Variants in DOK5 observed in about 807,000 individuals in gnomAD.
The protein encoded by DOK5 is docking protein 5.
DOK5 carries 27 observed loss-of-function variants against 43.3 expected under a neutral mutation model. The observed-to-expected ratio is 0.62, with a 90% confidence interval of 0.46 to 0.86. DOK5 has a LOEUF of 0.86. Among genes scored for constraint, DOK5 ranks in the 40% least tolerant of loss-of-function variants. The pLI is 0.00. For missense variants in DOK5, 373 were observed against 392.9 expected, an observed-to-expected ratio of 0.95 and a Z score of 0.43; for synonymous variants, 146 against 140.1, an observed-to-expected ratio of 1.04 and a Z score of -0.30.
chr20:54,490,351 C>T (rs1170333023), intron 1 of DOK5, among the ~76,000 whole-genome samples: 9 of 151,962 alleles, frequency 5.9e-5, no homozygotes, highest in South Asian at 4.1e-4. Context: ...CATATACATA[C>T]GTATATACAT....
intron 2 of DOK5, among the ~76,000 whole-genome samples, chr20:54,577,677 T>A (rs999911092): frequency 6.6e-6 from 1 of 152,242 alleles, no homozygotes; most frequent in South Asian, 2.1e-4. Context: ...CAGCAACACA[T>A]CTTTATCTCT....
intron 2 of DOK5, among the ~76,000 whole-genome samples, chr20:54,560,956 T>C (rs1984883816): frequency 6.6e-6 from 1 of 152,194 alleles, no homozygotes; most frequent in Non-Finnish European, 1.5e-5. Context: ...CTGTGGCTCA[T>C]TGTACAGCAT....
chr20:54,523,716 C>T (rs145106245), intron 1 of DOK5, among the ~76,000 whole-genome samples: 2,395 of 152,132 alleles, frequency 0.016, 87 homozygotes, highest in East Asian at 0.1. Context: ...AGCAATTCTC[C>T]TGCCTCAGCC....
chr20:54,586,898 C>A (rs1337040299), intron 2 of DOK5, among the ~76,000 whole-genome samples: 2 of 151,868 alleles, frequency 1.3e-5, no homozygotes, highest in African/African-American at 2.4e-5. Flanking sequence ...GTGGGCAAGA[C>A]CACAGGGGGT....
chr20:54,539,004 C>T (rs75688803), intron 1 of DOK5, among the ~76,000 whole-genome samples: 66 of 152,162 alleles, frequency 4.3e-4, no homozygotes, highest in African/African-American at 1.3e-3. Context: ...AGAACAGGGC[C>T]GGGCACCGTG....
At chr20:54,546,406 TTTA>T (rs1019301084) in intron 1 of DOK5, among the ~76,000 whole-genome samples, 5 of 152,162 alleles carry the variant, frequency 3.3e-5, no homozygotes, top group Non-Finnish European at 7.3e-5. Context: ...TATCTTTTTT[TTTA>T]TTATTATACT....
chr20:54,579,390 G>A (rs974201413), intron 2 of DOK5, among the ~76,000 whole-genome samples: 1 of 145,800 alleles, frequency 6.9e-6, no homozygotes. Flanking sequence ...AGGGGGTGAG[G>A]CACAGTGGTT....
At chr20:54,581,251 A>AG (rs1448035460) in intron 2 of DOK5, among the ~76,000 whole-genome samples, 2 of 151,956 alleles carry the variant, frequency 1.3e-5, no homozygotes, top group African/African-American at 4.8e-5. Flanking sequence ...CCTATGTGCC[A>AG]GTACCATATT....
intron 5 of DOK5, among the ~76,000 whole-genome samples, chr20:54,608,204 A>G (rs892322467): frequency 5.3e-5 from 8 of 152,166 alleles, no homozygotes; most frequent in African/African-American, 1.9e-4. Context: ...CACTACAAGT[A>G]TTTCTGAGTA....
At chr20:54,607,533 T>C (rs561240327) in intron 5 of DOK5, among the ~76,000 whole-genome samples, 2 of 152,258 alleles carry the variant, frequency 1.3e-5, no homozygotes, top group South Asian at 4.1e-4. Flanking sequence ...GATAACAATA[T>C]TTATTTAGAG....
intron 1 of DOK5, among the ~76,000 whole-genome samples, chr20:54,529,730 C>A (rs1983703468): frequency 6.6e-6 from 1 of 152,178 alleles, no homozygotes; most frequent in Non-Finnish European, 1.5e-5. Flanking sequence ...TTCTCATTTT[C>A]CCTTCCATCA....
chr20:54,624,808 ATCTGGTGC>A (rs1987086608), intron 6 of DOK5, among the ~76,000 whole-genome samples: 1 of 152,198 alleles, frequency 6.6e-6, no homozygotes, highest in Non-Finnish European at 1.5e-5. Flanking sequence ...ATTTGAGTGC[ATCTGGTGC>A]TCGGCAACAT....
chr20:54,520,992 T>C (rs1025766866), intron 1 of DOK5, among the ~76,000 whole-genome samples: 2 of 152,050 alleles, frequency 1.3e-5, no homozygotes, highest in Admixed American at 6.6e-5. Context: ...CCCAGGGTCT[T>C]TGCACTTACC....
intron 2 of DOK5, among the ~76,000 whole-genome samples, chr20:54,572,039 C>A (rs1229983831): frequency 7.2e-5 from 11 of 152,128 alleles, no homozygotes. Flanking sequence ...GATGGCCTCT[C>A]TGACCTTTTT....
chr20:54,576,487 A>G (rs1284520362), intron 2 of DOK5, among the ~76,000 whole-genome samples: 2 of 152,190 alleles, frequency 1.3e-5, no homozygotes, highest in Non-Finnish European at 2.9e-5. Context: ...TAGAGGTCAG[A>G]ATGGTAGTTT....
chr20:54,493,307 A>G (rs747986619), intron 1 of DOK5, among the ~76,000 whole-genome samples: 5 of 151,990 alleles, frequency 3.3e-5, no homozygotes, highest in Admixed American at 1.3e-4. Flanking sequence ...ACTACCCAAA[A>G]TCAGTGCATG....
At chr20:54,495,470 T>C (rs967703385) in intron 1 of DOK5, among the ~76,000 whole-genome samples, 1 of 152,246 alleles carries the variant, frequency 6.6e-6, no homozygotes, top group African/African-American at 2.4e-5. Context: ...GAGAAAATTT[T>C]ATTTTAATTT....
At chr20:54,513,870 G>A (rs1458843588) in intron 1 of DOK5, among the ~76,000 whole-genome samples, 1 of 152,140 alleles carries the variant, frequency 6.6e-6, no homozygotes, top group Non-Finnish European at 1.5e-5. Flanking sequence ...CAGAGGAAGG[G>A]GCTGTGGGCC....
At chr20:54,555,888 G>A (rs754940018) in intron 2 of DOK5, among the ~76,000 whole-genome samples, 3 of 152,162 alleles carry the variant, frequency 2.0e-5, no homozygotes, top group African/African-American at 4.8e-5. Context: ...AATTTTATGC[G>A]AAACCAGTTG....
Sources: gnomAD v4.1 joint callset for allele counts (sites outside exome capture counted in the v4.1 genomes callset) on GRCh38, gnomAD v4.1.1 for gene constraint, MANE v1.5 for transcripts, NCBI Gene and HGNC (gene_info 2026-07-23, HGNC 2026-07-21) for gene names.